The following CNTNAP5 variants were observed in gnomAD, a reference collection of about 807,000 sequenced individuals.
CNTNAP5 encodes the protein contactin-associated protein-like 5.
Under a neutral mutation model 150.2 loss-of-function variants are expected in CNTNAP5, and 72 were observed. The observed-to-expected ratio is 0.48, with a 90% confidence interval of 0.40 to 0.58. CNTNAP5 has a LOEUF of 0.58. Among genes scored for constraint, CNTNAP5 ranks in the 20% least tolerant of loss-of-function variants. The pLI, the probability that CNTNAP5 is intolerant of heterozygous loss-of-function variation, is 0.00. For synonymous variants in CNTNAP5, 672 were observed against 619.8 expected (o/e 1.08, Z -1.25); for missense variants, 1,636 against 1,626.2 (o/e 1.01, Z -0.10).
chr2:124,260,342 C>T (rs1443621553), intron 3 of CNTNAP5, among the ~76,000 whole-genome samples: 1 of 152,168 alleles, frequency 6.6e-6, no homozygotes, highest in Non-Finnish European at 1.5e-5. Context: ...GGATCCCTTC[C>T]TTACACCTTA....
intron 1 of CNTNAP5, among the ~76,000 whole-genome samples, chr2:124,128,254 T>C (rs1222619129): frequency 1.3e-5 from 2 of 152,026 alleles, no homozygotes; most frequent in Non-Finnish European, 2.9e-5. Flanking sequence ...GGGCAAAGGA[T>C]ATGAACAGAC....
At chr2:124,400,539 C>CAGA (rs1691380183) in intron 3 of CNTNAP5, among the ~76,000 whole-genome samples, 3 of 152,170 alleles carry the variant, frequency 2.0e-5, no homozygotes, top group Non-Finnish European at 2.9e-5. Flanking sequence ...GCTGCAATAT[C>CAGA]ACTCCTTAAC....
intron 20 of CNTNAP5, among the ~76,000 whole-genome samples, chr2:124,867,410 T>G (rs1479681859): frequency 6.6e-6 from 1 of 152,194 alleles, no homozygotes; most frequent in Non-Finnish European, 1.5e-5. Flanking sequence ...GCCTCTGCAC[T>G]GCAGCAAAAT....
At chr2:124,703,486 A>G (rs572749755) in intron 13 of CNTNAP5, among the ~76,000 whole-genome samples, 1 of 152,322 alleles carries the variant, frequency 6.6e-6, no homozygotes, top group Non-Finnish European at 1.5e-5. Context: ...CGAGTATCAT[A>G]AAAGAAGTAG....
intron 11 of CNTNAP5, among the ~76,000 whole-genome samples, chr2:124,603,012 TCC>T (rs1282115360): frequency 2.5e-5 from 3 of 118,186 alleles, no homozygotes; most frequent in Non-Finnish European, 5.3e-5. Context: ...TCTCCCTCCC[TCC>T]CTCCCTCCCT....
At chr2:124,269,517 C>T (rs534696094) in intron 3 of CNTNAP5, among the ~76,000 whole-genome samples, 2 of 152,256 alleles carry the variant, frequency 1.3e-5, no homozygotes, top group African/African-American at 4.8e-5. Flanking sequence ...TTTTGGGACA[C>T]TTTGTGCCTG....
At chr2:124,394,646 G>C (rs1411724278) in intron 3 of CNTNAP5, among the ~76,000 whole-genome samples, 1 of 152,150 alleles carries the variant, frequency 6.6e-6, no homozygotes, top group Non-Finnish European at 1.5e-5. Flanking sequence ...CATATGCTTT[G>C]CCTTTCATTC....
rs116196135 is a variant in CNTNAP5, at chr2:124,147,411, G to A, written c.83-74294G>A. On this transcript the variant is annotated intron_variant, in intron 1 of 23. Coordinates refer to ENST00000682447, the MANE Select transcript of CNTNAP5 (RefSeq NM_001367498.1). The stretch of plus-strand genomic sequence containing the variant: ...GGAAACATGAATATTCATACAAAGC[G>A]GAATAAAGAGAGTATTAGCCCACCT... 5.8e-3 allele frequency among the ~76,000 whole-genome samples: 890 copies of A among 152,226 alleles called. 5 individuals are homozygous for A. The highest frequency in any genetic ancestry group is 0.021 in the African/African-American group (852 of 41,530).
chr2:124,178,648 T>A (rs1685126083), intron 1 of CNTNAP5, among the ~76,000 whole-genome samples: 1 of 152,230 alleles, frequency 6.6e-6, no homozygotes. Context: ...TGATCTCAGT[T>A]CCTCAGAGGT....
chr2:124,138,520 G>A (rs1246868826), intron 1 of CNTNAP5, among the ~76,000 whole-genome samples: 2 of 152,006 alleles, frequency 1.3e-5, no homozygotes, highest in Non-Finnish European at 2.9e-5. Flanking sequence ...AGACCTTAAA[G>A]TTTGTTTGTT....
rs114009058 is a variant in CNTNAP5, at chr2:124,869,304, G to A, written c.3349-371G>A. 5.4e-3 allele frequency among the ~76,000 whole-genome samples: 815 copies of A among 152,250 alleles called. 9 individuals are homozygous for A. Among genetic ancestry groups the A allele is most frequent in the African/African-American group, 0.019 (788 of 41,542 alleles). ...AGAAAGGGGGAGAAATGGAAAATGA[G>A]TTCCTGCTTCCTATTAATGTTAATC... On this transcript the variant is annotated intron_variant, in intron 20 of 23. Transcript: ENST00000682447.
chr2:124,219,140 T>C (rs749058052), intron 1 of CNTNAP5, among the ~76,000 whole-genome samples: 20 of 152,024 alleles, frequency 1.3e-4, no homozygotes, highest in South Asian at 2.1e-4. Context: ...TCTTGAGCAA[T>C]GTATGGTTGA....
chr2:124,491,400 T>A (rs1049617618), intron 7 of CNTNAP5, among the ~76,000 whole-genome samples: 7 of 151,248 alleles, frequency 4.6e-5, no homozygotes, highest in Non-Finnish European at 1.0e-4. Flanking sequence ...TGTATGTGTG[T>A]ATATATATAT....
At chr2:124,498,189 G>T (rs893080134) in intron 7 of CNTNAP5, among the ~76,000 whole-genome samples, 4 of 152,168 alleles carry the variant, frequency 2.6e-5, no homozygotes, top group African/African-American at 7.2e-5. Context: ...GGAAGGCGCT[G>T]CTTAGAAACT....
At chr2:124,776,874 AT>A (rs1469699973) in intron 17 of CNTNAP5, among the ~76,000 whole-genome samples, 2 of 152,184 alleles carry the variant, frequency 1.3e-5, no homozygotes, top group African/African-American at 4.8e-5. Flanking sequence ...CATTATATAA[AT>A]CTCTGATTAT....
intron 14 of CNTNAP5, among the ~76,000 whole-genome samples, chr2:124,756,152 T>C (rs1270973564): frequency 6.6e-6 from 1 of 152,178 alleles, no homozygotes. Context: ...CATTGATTTA[T>C]AGAAGTTAAA....
intron 13 of CNTNAP5, among the ~76,000 whole-genome samples, chr2:124,693,151 C>T (rs770492452): frequency 3.3e-5 from 5 of 151,914 alleles, no homozygotes; most frequent in East Asian, 1.9e-4. Flanking sequence ...TTTTTTTCCC[C>T]GTTTGGGCCT....
At chr2:124,844,958 A>T (rs1002739436) in intron 19 of CNTNAP5, among the ~76,000 whole-genome samples, 33 of 152,060 alleles carry the variant, frequency 2.2e-4, no homozygotes, top group African/African-American at 7.2e-4. Context: ...ACCAATTTGG[A>T]TGCCCTTTAT....
chr2:124,174,395 C>T (rs947479521), intron 1 of CNTNAP5, among the ~76,000 whole-genome samples: 2 of 152,074 alleles, frequency 1.3e-5, no homozygotes, highest in African/African-American at 4.8e-5. Context: ...ATTCTAGATG[C>T]CACTAATAAC....
Sources: gnomAD v4.1 joint callset for allele counts (sites outside exome capture counted in the v4.1 genomes callset) on GRCh38, gnomAD v4.1.1 for gene constraint, MANE v1.5 for transcripts, NCBI Gene and HGNC (gene_info 2026-07-23, HGNC 2026-07-21) for gene names.